TRPM8: variants seen among roughly 807,000 people sequenced by gnomAD.
The protein encoded by TRPM8 is transient receptor potential cation channel subfamily M member 8, also known as TRPM8 cationic channel.
A neutral mutation model predicts 133.7 loss-of-function variants in TRPM8; 110 were observed. The observed-to-expected ratio is 0.82, with a 90% CI of 0.70 to 0.96. The LOEUF (loss-of-function observed/expected upper bound fraction) is 0.96. Ranked by LOEUF, TRPM8 falls within the 40% of genes least tolerant of loss-of-function variation. The pLI, the probability that TRPM8 is intolerant of heterozygous loss-of-function variation, is 0.00. For missense variants in TRPM8, 1,291 were observed against 1,379.5 expected (o/e 0.94, Z 1.02); for synonymous variants, 535 against 532.3 (o/e 1.01, Z -0.07).
intron 24 of TRPM8, among the ~76,000 whole-genome samples, chr2:234,009,287 TTTAG>T (rs1182960545): frequency 1.3e-5 from 2 of 152,126 alleles, no homozygotes. Context: ...AACAGTCTAT[TTTAG>T]TTTGTTTTGT....
At position 233,960,927 on chromosome 2, in the gene TRPM8, T is replaced by G. The variant is rs1343432920; in HGVS notation, c.1514T>G (p.Val505Gly). Residue 505 changes from valine (V) to glycine (G), a missense_variant, in exon 12 of 26, where the codon GTG becomes GGG. Physicochemically the swap from Val to Gly is moderately radical, Grantham distance 109 (BLOSUM62 -3). Coordinates refer to ENST00000324695, the MANE Select transcript of TRPM8 (RefSeq NM_024080.5). Reference sequence around the variant, plus strand: ...TTCTCCAACCACTTCAGCACGCTTGTGTACCGGAATCTGCAGATCGCCAAG... The same window carrying G: ...TTCTCCAACCACTTCAGCACGCTTGGGTACCGGAATCTGCAGATCGCCAAG... ...ELFSNHFSTL[V>G]YRNLQIAKNS... is the part of the protein sequence containing the mutation. The G allele has an allele frequency of 6.2e-7, 1 of 1,614,090 alleles. No individual in the cohort carries two copies. Among genetic ancestry groups the G allele is most frequent in the Non-Finnish European group, 8.5e-7 (1 of 1,180,050 alleles).
chr2:233,932,765 A>G (rs1045787517), intron 3 of TRPM8, among the ~76,000 whole-genome samples: 4 of 151,824 alleles, frequency 2.6e-5, no homozygotes. Context: ...GGATTCTATA[A>G]TCTTTGAATC....
chr2:233,917,856 T>A (rs1447623085), intron 1 of TRPM8, among the ~76,000 whole-genome samples: 1 of 152,202 alleles, frequency 6.6e-6, no homozygotes, highest in African/African-American at 2.4e-5. Flanking sequence ...TGGTGAAATG[T>A]AAATTAACAT....
intron 8 of TRPM8, among the ~76,000 whole-genome samples, chr2:233,949,112 A>G (rs1305815962): frequency 2.0e-5 from 3 of 152,082 alleles, no homozygotes; most frequent in South Asian, 4.1e-4. Context: ...CTCCCCATCG[A>G]CACACCCACG....
intron 25 of TRPM8, among the ~76,000 whole-genome samples, chr2:234,016,595 G>A (rs1692961603): frequency 6.6e-6 from 1 of 152,130 alleles, no homozygotes; most frequent in African/African-American, 2.4e-5. Flanking sequence ...GGGCAAGCCT[G>A]TACCAATTCC....
chr2:234,000,311 A>G (rs551148992), intron 22 of TRPM8, among the ~76,000 whole-genome samples: 534 of 152,012 alleles, frequency 3.5e-3, no homozygotes, highest in African/African-American at 0.012. Flanking sequence ...GGGTTTCACT[A>G]TGTTGGCCAG....
intron 22 of TRPM8, among the ~76,000 whole-genome samples, chr2:234,002,829 T>A (rs887833990): frequency 2.0e-5 from 3 of 152,202 alleles, no homozygotes; most frequent in Non-Finnish European, 2.9e-5. Flanking sequence ...TGTTCACAGG[T>A]GTTGTGTCTT....
At chr2:233,961,317 T>G (rs1691431568) in intron 12 of TRPM8, among the ~76,000 whole-genome samples, 1 of 152,218 alleles carries the variant, frequency 6.6e-6, no homozygotes, top group Non-Finnish European at 1.5e-5. Context: ...TTCCTTTTTT[T>G]GTTTTTGAGA....
intron 22 of TRPM8, among the ~76,000 whole-genome samples, chr2:234,000,942 T>G (rs1444366900): frequency 1.3e-5 from 2 of 152,200 alleles, no homozygotes; most frequent in African/African-American, 2.4e-5. Context: ...CCTCCTAAAG[T>G]TCCCGGATTA....
chr2:233,959,653 T>G (rs1375244624), intron 11 of TRPM8, among the ~76,000 whole-genome samples: 1 of 152,058 alleles, frequency 6.6e-6, no homozygotes, highest in African/African-American at 2.4e-5. Flanking sequence ...GAAATGTAGA[T>G]TTTGATGAAC....
intron 1 of TRPM8, among the ~76,000 whole-genome samples, chr2:233,918,805 C>A (rs554268144): frequency 2.0e-5 from 3 of 152,276 alleles, no homozygotes; most frequent in Non-Finnish European, 4.4e-5. Context: ...CTTGTATGCA[C>A]CCCTGCCATG....
chr2:233,978,197 T>TTG (rs763707549), intron 17 of TRPM8, among the ~76,000 whole-genome samples: 12 of 70,488 alleles, frequency 1.7e-4, no homozygotes, highest in Non-Finnish European at 2.3e-4. Context: ...TGGAATATTA[T>TTG]AGTGTGTGTG....
chr2:233,945,049 A>G (rs552288541), intron 6 of TRPM8, among the ~76,000 whole-genome samples: 59 of 151,346 alleles, frequency 3.9e-4, no homozygotes, highest in Non-Finnish European at 6.6e-4. Flanking sequence ...AAAAAATAGT[A>G]TCACCAGCAA....
At chr2:233,937,820 AC>A (rs1236040977) in intron 4 of TRPM8, among the ~76,000 whole-genome samples, 3 of 152,114 alleles carry the variant, frequency 2.0e-5, no homozygotes, top group Non-Finnish European at 2.9e-5. Context: ...GCTTTTGTGA[AC>A]CCTACTGCTT....
At chr2:234,000,894 T>C (rs1692545004) in intron 22 of TRPM8, among the ~76,000 whole-genome samples, 1 of 152,164 alleles carries the variant, frequency 6.6e-6, no homozygotes, top group Admixed American at 6.5e-5. Flanking sequence ...GCCAGAATGG[T>C]CTCGAACTCC....
At chr2:233,985,584 A>C in intron 20 of TRPM8, 104 bp from the exon 21 acceptor site, 2 of 1,145,732 alleles carry the variant, frequency 1.7e-6, no homozygotes, top group Non-Finnish European at 2.5e-6. Flanking sequence ...ACGAAGGCCT[A>C]AGACATTTCA....
chr2:233,938,915 G>T (rs1690830251), intron 4 of TRPM8, 83 bp from the exon 5 acceptor site: 1 of 1,474,834 alleles, frequency 6.8e-7, no homozygotes, highest in Non-Finnish European at 9.3e-7. Flanking sequence ...GCAAGCGTGG[G>T]CTTGGAAGTT....
chr2:233,978,198 A>AGTGTGTGTGTGTGTGT (rs59259744), intron 17 of TRPM8, among the ~76,000 whole-genome samples: 22 of 146,110 alleles, frequency 1.5e-4, no homozygotes, highest in South Asian at 6.8e-4. Flanking sequence ...GGAATATTAT[A>AGTGTGTGTGTGTGTGT]GTGTGTGTGT....
Position 233,968,736 on chromosome 2 carries a change from TGA to T in TRPM8, c.2026-954_2026-953del, listed in dbSNP as rs1401241173. ...TCCTTCTGCTTGACGGGCTATTTTT[TGA>T]GAGATGTGGGTCCTTTGATGTGGTC... On this transcript the variant is annotated intron_variant, in intron 15 of 25. Transcript: ENST00000324695. 3.3e-5 allele frequency among the ~76,000 whole-genome samples: 5 copies of T among 151,872 alleles called. No individual in the cohort carries two copies. The East Asian group carries it at 9.7e-4, about 30-fold the overall frequency.
Sources: gnomAD v4.1 joint callset for allele counts (sites outside exome capture counted in the v4.1 genomes callset) on GRCh38, gnomAD v4.1.1 for gene constraint, MANE v1.5 for transcripts, NCBI Gene and HGNC (gene_info 2026-07-23, HGNC 2026-07-21) for gene names.